Variants in SASH1 observed in about 807,000 individuals in gnomAD.
The protein encoded by SASH1 is SAM and SH3 domain-containing protein 1.
Under a neutral mutation model 125.2 loss-of-function variants are expected in SASH1, and 44 were observed. That is an observed-to-expected ratio of 0.35 (90% CI 0.28 to 0.45). The LOEUF (loss-of-function observed/expected upper bound fraction) is 0.45, where lower values mean the gene tolerates loss of function less well. SASH1 is among the 20% of genes least tolerant of loss of function. The probability of loss-of-function intolerance (pLI) is 1.00; values close to 1 mark genes in which losing one functional copy is unlikely to be tolerated. For synonymous variants in SASH1, 639 were observed against 649.1 expected, an observed-to-expected ratio of 0.98 and a Z score of 0.24; for missense variants, 1,426 against 1,614.5, an observed-to-expected ratio of 0.88 and a Z score of 2.00.
At chr6:148,521,375 C>T (rs1174499910) in intron 10 of SASH1, among the ~76,000 whole-genome samples, 1 of 152,202 alleles carries the variant, frequency 6.6e-6, no homozygotes, top group Non-Finnish European at 1.5e-5. Context: ...GGATGTTCTT[C>T]CCCAGACGAT....
intron 1 of SASH1, among the ~76,000 whole-genome samples, chr6:148,280,636 C>T (rs904386209): frequency 6.6e-6 from 1 of 151,958 alleles, no homozygotes; most frequent in Non-Finnish European, 1.5e-5. Flanking sequence ...AGAGAGACCC[C>T]GTCCCTACAA....
chr6:148,343,180 C>T lies in SASH1; in HGVS notation c.113C>T (p.Ser38Phe), dbSNP rs1272147806. ...EPEPKPGAGT[S>F]EAFSRLWTDV... ...GAGCCCAAGCCGGGTGCTGGCACAT[C>T]CGAGGCGTTCTCCCGACTCTGGACC... is the stretch of plus-strand genomic sequence containing the variant. The change falls in exon 1 of 20, where the codon TCC becomes TTC. Residue 38 changes from serine to phenylalanine, a missense_variant. Coordinates refer to ENST00000367467, the MANE Select transcript of SASH1 (RefSeq NM_015278.5). The T allele has an allele frequency of 1.9e-6, 3 of 1,600,170 alleles. No individual in the cohort carries two copies. The highest frequency in any genetic ancestry group is 2.5e-6 in the Non-Finnish European group (3 of 1,179,186).
At chr6:148,527,063 G>A (rs928890398) in intron 11 of SASH1, among the ~76,000 whole-genome samples, 10 of 151,664 alleles carry the variant, frequency 6.6e-5, no homozygotes, top group Non-Finnish European at 1.5e-4. Flanking sequence ...TAGTAGAGAC[G>A]GGGTTTCACC....
intron 1 of SASH1, among the ~76,000 whole-genome samples, chr6:148,273,829 G>T (rs971016657): frequency 1.3e-5 from 2 of 152,314 alleles, no homozygotes; most frequent in South Asian, 2.1e-4. Flanking sequence ...TCTCTGAGGA[G>T]CTGAGAACAG....
At position 148,529,802 on chromosome 6, in the gene SASH1, T is replaced by TG. The variant is rs1554270767; in HGVS notation, c.1429-1724_1429-1723insG. On this transcript the variant is annotated intron_variant, in intron 12 of 19. Coordinates refer to ENST00000367467, the MANE Select transcript of SASH1 (RefSeq NM_015278.5). This position sits in a 1 kb window ranked among gnomAD's most constrained non-coding sequence, Gnocchi z 4.2. ...ATGGAAGGTTTTATGTGGTTGTTTT[T>TG]TTTTTGTTTTTGTTTTTGTTTTGAG... Among the ~76,000 whole-genome samples, 4,960 of 152,032 alleles carry TG rather than the reference T, an allele frequency of 0.033. 289 individuals are homozygous for TG. The highest frequency in any genetic ancestry group is 0.11 in the African/African-American group (4,696 of 41,410).
intron 4 of SASH1, among the ~76,000 whole-genome samples, chr6:148,463,280 G>A (rs899812309): frequency 2.0e-5 from 3 of 151,912 alleles, no homozygotes; most frequent in South Asian, 2.1e-4. Context: ...GAGTAGCTGC[G>A]ATTACAGGTG....
rs998348940 is a variant in SASH1 at position 148,550,769 on chromosome 6, G to C, written c.*2211G>C. ...CTGTAGACAGGCTTCTTCTCTTCCT[G>C]CTCTCAAAATACCTCGGCTTGACAT... On this transcript the variant is annotated 3_prime_UTR_variant, in exon 20 of 20. Coordinates refer to ENST00000367467, the MANE Select transcript of SASH1 (RefSeq NM_015278.5). The C allele has an allele frequency of 1.3e-5, 2 of 152,196 alleles. No homozygotes were observed. The highest frequency in any genetic ancestry group is 4.8e-5 in the African/African-American group (2 of 41,440). 9.4% of individuals were successfully genotyped at this position (152,196 alleles called of 1,614,324 possible).
intron 1 of SASH1, among the ~76,000 whole-genome samples, chr6:148,354,924 T>A (rs1045487480): frequency 6.6e-6 from 1 of 152,160 alleles, no homozygotes; most frequent in Non-Finnish European, 1.5e-5. Context: ...CACCCCCATC[T>A]GATTTTTGTA....
chr6:148,428,647 A>AAAAAT (rs1775929745), intron 2 of SASH1, among the ~76,000 whole-genome samples: 1 of 151,522 alleles, frequency 6.6e-6, no homozygotes, highest in Admixed American at 6.6e-5. Flanking sequence ...AAAAAAGAGA[A>AAAAAT]TATAAACTAA....
At chr6:148,263,933 C>T in the SASH1 span, among the ~76,000 whole-genome samples, 1 of 152,088 alleles carries the variant, frequency 6.6e-6, no homozygotes, top group Non-Finnish European at 1.5e-5. Flanking sequence ...ATTGGGGATG[C>T]TAAGAGCTCT....
intron 1 of SASH1, among the ~76,000 whole-genome samples, chr6:148,312,110 C>A (rs1250200741): frequency 6.6e-6 from 1 of 152,142 alleles, no homozygotes; most frequent in Non-Finnish European, 1.5e-5. Context: ...GGATAGAAAT[C>A]AGATCAGTGT....
At chr6:148,249,322 G>T in the SASH1 span, among the ~76,000 whole-genome samples, 2 of 108,784 alleles carry the variant, frequency 1.8e-5, no homozygotes, top group African/African-American at 8.0e-5. Context: ...GAGTGCATGT[G>T]CACGTGTGTG....
At chr6:148,539,571 A>G (rs73017018) in intron 16 of SASH1, among the ~76,000 whole-genome samples, 9,993 of 152,224 alleles carry the variant, frequency 0.066, 446 homozygotes, top group Non-Finnish European at 0.097. Context: ...TCCATGGTGT[A>G]TAGGTACTGC....
At chr6:148,392,902 A>G (rs956177784) in intron 2 of SASH1, among the ~76,000 whole-genome samples, 1 of 152,208 alleles carries the variant, frequency 6.6e-6, no homozygotes, top group African/African-American at 2.4e-5. Context: ...TTATGTGTCA[A>G]AAGACTCCCA....
In SASH1 at chr6:148,540,430, T is replaced by C. The variant is rs1320052342; in HGVS notation, c.2096-13T>C. 6.2e-7 allele frequency: 1 copy of C among 1,608,214 alleles called. No individual in the cohort carries two copies. Among genetic ancestry groups the C allele is most frequent in the Non-Finnish European group, 8.5e-7 (1 of 1,175,090 alleles). On this transcript the variant is annotated splice_polypyrimidine_tract_variant and intron_variant, in intron 16 of 19. Transcript: ENST00000367467. ...CTCACCTTGTTGATTTCATGCCGTG[T>C]TCTCTCCTCTAGGTAACAGCGACCA...
In SASH1 at chr6:148,402,552, G is replaced by A. The variant is rs145758485; in HGVS notation, c.285+12290G>A. Among the ~76,000 whole-genome samples, 1,016 of 151,906 alleles carry A rather than the reference G, an allele frequency of 6.7e-3. 11 individuals are homozygous for A. Among genetic ancestry groups the A allele is most frequent in the African/African-American group, 0.022 (921 of 41,408 alleles). ...TCAAACATCTGACCTCAAATGATCC[G>A]CCTGCCTTGGCCTCCCAAAGTGCTG... On this transcript the variant is annotated intron_variant, in intron 2 of 19. Transcript: ENST00000367467.
At chr6:148,197,259 G>A in the SASH1 span, among the ~76,000 whole-genome samples, 1 of 152,174 alleles carries the variant, frequency 6.6e-6, no homozygotes, top group Non-Finnish European at 1.5e-5. Flanking sequence ...GTGGAGTAAG[G>A]AGAAAAACAT....
chr6:148,513,436 C>A (rs919568189), intron 8 of SASH1: 2 of 985,322 alleles, frequency 2.0e-6, no homozygotes, highest in Non-Finnish European at 2.4e-6. Context: ...ACATTTTGAA[C>A]AGATACAACA....
intron 2 of SASH1, among the ~76,000 whole-genome samples, chr6:148,435,764 C>T (rs1160514584): frequency 6.6e-6 from 1 of 152,052 alleles, no homozygotes; most frequent in East Asian, 1.9e-4. Context: ...CTCTGAACTG[C>T]TGATTGTTGG....
Sources: allele counts gnomAD v4.1 joint callset (sites outside exome capture counted in the v4.1 genomes callset), GRCh38; gene constraint gnomAD v4.1.1; non-coding constraint Gnocchi (gnomAD v3.1); transcripts MANE v1.5; gene names NCBI Gene and HGNC (gene_info 2026-07-23, HGNC 2026-07-21).